Variants in OR1J2 observed in about 807,000 individuals in gnomAD.
The protein encoded by OR1J2 is olfactory receptor 1J2.
For synonymous variants in OR1J2, 142 were observed against 99.7 expected (o/e 1.42, Z -2.52); for missense variants, 304 against 246.1 (o/e 1.24, Z -1.57).
the OR1J2 span, among the ~76,000 whole-genome samples, chr9:122,486,504 G>A: frequency 6.6e-6 from 1 of 152,194 alleles, no homozygotes. Context: ...GTTTAAGGAT[G>A]AATAAAAATC....
the OR1J2 span, among the ~76,000 whole-genome samples, chr9:122,537,354 CCAGGCCTGGTTT>C: frequency 6.6e-6 from 1 of 152,152 alleles, no homozygotes; most frequent in Non-Finnish European, 1.5e-5. Context: ...CCAGGCAGGC[CCAGGCCTGGTTT>C]CGGGCCTGGT....
Position 122,511,211 on chromosome 9 carries a change from G to A in OR1J2, c.410G>A (p.Arg137Lys), listed in dbSNP as rs1295761997. The change falls in exon 1 of 1, where the codon AGG (arginine) becomes AAG (lysine). Residue 137 changes from arginine (R) to lysine (K), a missense_variant. By Grantham distance (26) the Arg-to-Lys change is conservative (BLOSUM62 2). Coordinates refer to ENST00000335302, the MANE Select transcript of OR1J2 (RefSeq NM_054107.1). ...CHPLHYTVIMREELCVFLVAV... is the reference protein window; with the variant it reads ...CHPLHYTVIMKEELCVFLVAV... ...CCTCTCCACTACACTGTCATCATGAGGGAAGAGCTCTGTGTCTTCTTAGTG... is the reference window on the plus strand; with the variant it reads ...CCTCTCCACTACACTGTCATCATGAAGGAAGAGCTCTGTGTCTTCTTAGTG... 2 of 742,958 alleles carry A rather than the reference G, an allele frequency of 2.7e-6. No individual in the cohort carries two copies. Among genetic ancestry groups the A allele is most frequent in the East Asian group, 2.4e-5 (1 of 41,010 alleles). The allele number at this position is 742,958 out of a possible 1,614,324, so 46.0% of individuals were successfully genotyped here. A position where few individuals can be genotyped will look rare whatever the true frequency, so the allele number is the denominator to read the frequency against.
upstream of OR1J2, among the ~76,000 whole-genome samples, chr9:122,508,899 G>A (rs1206019643): frequency 2.0e-5 from 3 of 152,176 alleles, no homozygotes; most frequent in East Asian, 1.9e-4. Context: ...GCATTTCTTC[G>A]AGAGGTTCTA....
At chr9:122,553,143 A>C in the OR1J2 span, 135 of 1,540,050 alleles carry the variant, frequency 8.8e-5, no homozygotes, top group Non-Finnish European at 1.0e-4. Flanking sequence ...ATATCTGTAA[A>C]TTGATCTAAT....
chr9:122,546,341 AC>A, the OR1J2 span, among the ~76,000 whole-genome samples: 1 of 152,156 alleles, frequency 6.6e-6, no homozygotes, highest in African/African-American at 2.4e-5. Context: ...TCCCTTAGTG[AC>A]TTGTTTGACC....
the OR1J2 span, among the ~76,000 whole-genome samples, chr9:122,552,609 C>T: frequency 1.3e-5 from 2 of 152,038 alleles, no homozygotes; most frequent in Non-Finnish European, 2.9e-5. Flanking sequence ...GCCCTCAGCT[C>T]ACATATCCTT....
chr9:122,505,393 G>A, the OR1J2 span, among the ~76,000 whole-genome samples: 1 of 152,088 alleles, frequency 6.6e-6, no homozygotes, highest in Non-Finnish European at 1.5e-5. Context: ...CAGTCTCGCT[G>A]TCATGATAAC....
chr9:122,477,192 G>C, the OR1J2 span: 5 of 1,614,208 alleles, frequency 3.1e-6, no homozygotes, highest in Non-Finnish European at 2.5e-6. Flanking sequence ...TCACCACTGA[G>C]AGGTGGGATC....
the OR1J2 span, among the ~76,000 whole-genome samples, chr9:122,469,245 A>G: frequency 1.3e-5 from 2 of 152,244 alleles, no homozygotes; most frequent in Non-Finnish European, 2.9e-5. Flanking sequence ...TTGTAGTTCC[A>G]TAATTCCCAT....
the OR1J2 span, among the ~76,000 whole-genome samples, chr9:122,482,199 A>G: frequency 6.6e-6 from 1 of 152,178 alleles, no homozygotes; most frequent in Non-Finnish European, 1.5e-5. Flanking sequence ...TAAATTTTAA[A>G]ATGTGCAAAA....
At chr9:122,458,940 T>A in the OR1J2 span, among the ~76,000 whole-genome samples, 1 of 152,202 alleles carries the variant, frequency 6.6e-6, no homozygotes. Flanking sequence ...TTCATTCTTA[T>A]TTCTAACCAT....
At chr9:122,545,907 C>A in the OR1J2 span, among the ~76,000 whole-genome samples, 1 of 124,594 alleles carries the variant, frequency 8.0e-6, no homozygotes. Context: ...GGAGAATTAG[C>A]AGCAAAAGAA....
the OR1J2 span, chr9:122,477,958 T>C: frequency 1.3e-5 from 20 of 1,493,908 alleles, no homozygotes; most frequent in Non-Finnish European, 1.8e-5. Flanking sequence ...CTAGGGAAAT[T>C]TGAAGGAAAA....
chr9:122,499,426 C>G, the OR1J2 span, among the ~76,000 whole-genome samples: 2 of 151,956 alleles, frequency 1.3e-5, no homozygotes, highest in African/African-American at 4.8e-5. Flanking sequence ...GCATCTCAGG[C>G]CGCTGAACCA....
the OR1J2 span, among the ~76,000 whole-genome samples, chr9:122,483,970 A>G: frequency 1.3e-5 from 2 of 152,168 alleles, no homozygotes; most frequent in African/African-American, 2.4e-5. Flanking sequence ...CCAATTTATA[A>G]TAAGAGTTAT....
chr9:122,535,120 C>G, the OR1J2 span, among the ~76,000 whole-genome samples: 1 of 151,294 alleles, frequency 6.6e-6, no homozygotes, highest in Non-Finnish European at 1.5e-5. Context: ...AGAGTAGAGA[C>G]ATGGAGAGAA....
chr9:122,550,629 A>G, the OR1J2 span, among the ~76,000 whole-genome samples: 1 of 152,166 alleles, frequency 6.6e-6, no homozygotes, highest in African/African-American at 2.4e-5. Flanking sequence ...CACCACATAA[A>G]CAGAATTTAA....
At chr9:122,519,107 TCCC>T in the OR1J2 span, 1 of 1,432,162 alleles carries the variant, frequency 7.0e-7, no homozygotes, top group Admixed American at 2.0e-5. Context: ...TTTTTCAATG[TCCC>T]TCTATTTCCA....
chr9:122,492,189 T>C, the OR1J2 span, among the ~76,000 whole-genome samples: 1 of 152,114 alleles, frequency 6.6e-6, no homozygotes, highest in African/African-American at 2.4e-5. Context: ...GTGTCCATTA[T>C]TGCCACATAA....
Sources: allele counts gnomAD v4.1 joint callset (sites outside exome capture counted in the v4.1 genomes callset), GRCh38; gene constraint gnomAD v4.1.1; transcripts MANE v1.5; gene names NCBI Gene and HGNC (gene_info 2026-07-23, HGNC 2026-07-21).